TOP3A: variants seen among roughly 807,000 people sequenced by gnomAD.
TOP3A encodes the protein DNA topoisomerase III alpha.
A neutral mutation model predicts 111.3 loss-of-function variants in TOP3A; 64 were observed. The observed-to-expected ratio is 0.57, with a 90% confidence interval of 0.47 to 0.71. TOP3A has a LOEUF of 0.71. TOP3A is among the 30% of genes least tolerant of loss of function. The probability of loss-of-function intolerance (pLI) is 0.00; values close to 1 mark genes in which losing one functional copy is unlikely to be tolerated. For missense variants in TOP3A, 1,104 were observed against 1,285.0 expected (o/e 0.86, Z 2.15); for synonymous variants, 484 against 485.1 (o/e 1.00, Z 0.03).
chr17:18,302,835 C>T, intron 5 of TOP3A, 112 bp from the exon 6 acceptor site: 1 of 1,328,236 alleles, frequency 7.5e-7, no homozygotes, highest in Non-Finnish European at 1.0e-6. Flanking sequence ...GTTCAAGAAG[C>T]TGTGAGATGA....
intron 10 of TOP3A, among the ~76,000 whole-genome samples, chr17:18,293,138 ACT>A (rs1320232590): frequency 6.6e-6 from 1 of 152,158 alleles, no homozygotes; most frequent in African/African-American, 2.4e-5. Context: ...GTCACTGGCC[ACT>A]CTGAGGGTCA....
chr17:18,297,584 G>C (rs1184209897), intron 9 of TOP3A, among the ~76,000 whole-genome samples: 1 of 152,212 alleles, frequency 6.6e-6, no homozygotes, highest in Non-Finnish European at 1.5e-5. Flanking sequence ...CGCCACACCT[G>C]ACTGGTTTTC....
intron 17 of TOP3A, 103 bp downstream of exon 17, chr17:18,280,433 C>T: frequency 7.2e-7 from 1 of 1,379,770 alleles, no homozygotes; most frequent in Middle Eastern, 2.6e-4. Context: ...CCCTGCAGGG[C>T]CTGAGTGGAA....
chr17:18,309,601 G>A (rs183571518), intron 1 of TOP3A, among the ~76,000 whole-genome samples: 176 of 151,782 alleles, frequency 1.2e-3, no homozygotes, highest in African/African-American at 4.2e-3. Context: ...TGGAGATGGC[G>A]CCACTGCACT....
intron 9 of TOP3A, among the ~76,000 whole-genome samples, chr17:18,298,546 G>C: frequency 6.6e-6 from 1 of 151,114 alleles, no homozygotes. Flanking sequence ...ACCCTGTCTG[G>C]GAGGTGTACC....
rs1733145643 is a variant in TOP3A at position 18,273,606 on chromosome 17, A to G, written c.*1196T>C. 6.6e-6 allele frequency among the ~76,000 whole-genome samples: 1 copy of G among 152,192 alleles called. No homozygotes were observed. The highest frequency in any genetic ancestry group is 1.5e-5 in the Non-Finnish European group (1 of 68,036). On this transcript the variant is annotated 3_prime_UTR_variant, in exon 19 of 19. Transcript: ENST00000321105. ...CAGACCCTCTGCACTCTCGCAGGTC[A>G]GAGTAAAAAAAGGTTGGATTCTTTC...
At chr17:18,283,365 A>G (rs1018577517) in intron 15 of TOP3A, among the ~76,000 whole-genome samples, 1 of 151,918 alleles carries the variant, frequency 6.6e-6, no homozygotes, top group Non-Finnish European at 1.5e-5. Context: ...GCGAAACTCC[A>G]TCTCAAAAAA....
chr17:18,296,417 T>C (rs920188763), intron 9 of TOP3A, among the ~76,000 whole-genome samples: 1 of 151,942 alleles, frequency 6.6e-6, no homozygotes, highest in Admixed American at 6.6e-5. Context: ...CCATCTCTAC[T>C]AAAAATACAA....
At chr17:18,304,796 C>T (rs564630912) in intron 5 of TOP3A, among the ~76,000 whole-genome samples, 68 of 152,024 alleles carry the variant, frequency 4.5e-4, no homozygotes, top group African/African-American at 1.6e-3. Flanking sequence ...CTCAAGGAGC[C>T]GGGTATCTGC....
intron 4 of TOP3A, chr17:18,306,600 T>G: frequency 3.8e-6 from 1 of 266,080 alleles, no homozygotes; most frequent in Non-Finnish European, 7.2e-6. Flanking sequence ...ATTCCTGGAG[T>G]TCATGTGATC....
At chr17:18,308,467 G>T in intron 2 of TOP3A, 43 bp from the exon 3 acceptor site, 1 of 1,374,840 alleles carries the variant, frequency 7.3e-7, no homozygotes, top group Non-Finnish European at 1.0e-6. Context: ...TCTTTTTGCA[G>T]TTATTATTCT....
At chr17:18,296,347 C>T (rs1190575434) in intron 9 of TOP3A, among the ~76,000 whole-genome samples, 6 of 151,912 alleles carry the variant, frequency 3.9e-5, no homozygotes, top group Non-Finnish European at 5.9e-5. Flanking sequence ...TTTGGGAGGC[C>T]GAGGCGGGCG....
rs1249130886 is a variant in TOP3A, at chr17:18,273,646, T to C, written c.*1156A>G. On this transcript the variant is annotated 3_prime_UTR_variant, in exon 19 of 19. Coordinates refer to ENST00000321105, the MANE Select transcript of TOP3A (RefSeq NM_004618.5). ...TGGATTCTTTCATTTTAAAAAAAGT[T>C]TGAGACAGGGTCTTACTCTGTCACC... 6.6e-6 allele frequency among the ~76,000 whole-genome samples: 1 copy of C among 152,190 alleles called. No homozygotes were observed.
intron 13 of TOP3A, among the ~76,000 whole-genome samples, chr17:18,285,930 T>C (rs541281443): frequency 2.0e-5 from 3 of 152,362 alleles, no homozygotes; most frequent in African/African-American, 7.2e-5. Context: ...CTGGGAGCAG[T>C]GGCTTATGCC....
rs1981718821 is a variant in TOP3A, at chr17:18,308,429, A to T, written c.241-5T>A. 6.3e-7 allele frequency: 1 copy of T among 1,582,670 alleles called. No individual in the cohort carries two copies. The highest frequency in any genetic ancestry group is 8.6e-7 in the Non-Finnish European group (1 of 1,161,174). On this transcript the variant is annotated splice_region_variant and splice_polypyrimidine_tract_variant and intron_variant, in intron 2 of 18. Transcript: ENST00000321105. ...AGTCATTACCATGGTAACATTCTGA[A>T]TGATGACAAAATTCAAAATTCAGTT...
At chr17:18,280,035 C>T (rs1979655620) in intron 17 of TOP3A, 1 of 152,134 alleles carries the variant, frequency 6.6e-6, no homozygotes, top group South Asian at 2.1e-4. Context: ...CCTGTAATCC[C>T]AGCTACTCAG....
At chr17:18,308,170 C>T (rs1981695426) in intron 3 of TOP3A, 181 bp downstream of exon 3, 1 of 422,956 alleles carries the variant, frequency 2.4e-6, no homozygotes, top group Non-Finnish European at 4.1e-6. Context: ...CGAGATCACA[C>T]CACTGCACTC....
chr17:18,310,161 T>G (rs1981825092), intron 1 of TOP3A, among the ~76,000 whole-genome samples: 1 of 152,062 alleles, frequency 6.6e-6, no homozygotes, highest in South Asian at 2.1e-4. Context: ...GTGCAATGGC[T>G]CATGCCTGTA....
chr17:18,314,706 C>A lies in TOP3A; in HGVS notation c.73G>T (p.Ala25Ser). ...RPEDRAFSRA[A>S]MEMALRGVRK... ...ACGCCTCGGAGGGCCATCTCCATGGCGGCGCGGGAAAAGGCACGGTCTTCG... is the reference window on the plus strand; with the variant it reads ...ACGCCTCGGAGGGCCATCTCCATGGAGGCGCGGGAAAAGGCACGGTCTTCG... Residue 25 changes from alanine (A) to serine (S), a missense_variant, in exon 1 of 19, where the codon GCC becomes TCC. By Grantham distance (99) the Ala-to-Ser change is moderately conservative (BLOSUM62 1). Coordinates refer to ENST00000321105, the MANE Select transcript of TOP3A (RefSeq NM_004618.5). 1 of 1,607,938 alleles carries A rather than the reference C, an allele frequency of 6.2e-7. No homozygotes were observed.
Sources: gnomAD v4.1 joint callset for allele counts (sites outside exome capture counted in the v4.1 genomes callset) on GRCh38, gnomAD v4.1.1 for gene constraint, MANE v1.5 for transcripts, NCBI Gene and HGNC (gene_info 2026-07-23, HGNC 2026-07-21) for gene names.